The following UGGT2 variants were observed in gnomAD, a reference collection of about 807,000 sequenced individuals.
UGGT2 encodes the protein UDP-glucose:glycoprotein glucosyltransferase 2.
A neutral mutation model predicts 192.1 loss-of-function variants in UGGT2; 180 were observed. The observed-to-expected ratio is 0.94, with a 90% CI of 0.83 to 1.06. The LOEUF (loss-of-function observed/expected upper bound fraction) is 1.06. UGGT2 is among the 50% of genes least tolerant of loss of function. The pLI is 0.00. For missense variants in UGGT2, 1,849 were observed against 1,795.7 expected (o/e 1.03, Z -0.54); for synonymous variants, 580 against 591.0 (o/e 0.98, Z 0.27).
At chr13:95,927,149 T>TTAAATA in intron 18 of UGGT2, 23 bp from the exon 19 acceptor site, 1 of 1,605,490 alleles carries the variant, frequency 6.2e-7, no homozygotes, top group Non-Finnish European at 8.5e-7. Context: ...AAATTAAACG[T>TTAAATA]TAAATATAAA....
intron 38 of UGGT2, among the ~76,000 whole-genome samples, chr13:95,803,845 T>A (rs995974974): frequency 9.9e-5 from 15 of 152,134 alleles, no homozygotes; most frequent in Admixed American, 9.8e-4. Flanking sequence ...GATCTCCAGG[T>A]TTTTGAGGAA....
At chr13:95,876,330 G>A (rs1433728445) in intron 29 of UGGT2, among the ~76,000 whole-genome samples, 1 of 152,194 alleles carries the variant, frequency 6.6e-6, no homozygotes, top group East Asian at 1.9e-4. Flanking sequence ...AAGTCTAAGA[G>A]CCTGAATTTG....
chr13:95,889,431 TA>T (rs563252959), intron 25 of UGGT2, among the ~76,000 whole-genome samples: 1 of 151,974 alleles, frequency 6.6e-6, no homozygotes, highest in Non-Finnish European at 1.5e-5. Flanking sequence ...CACTAAATTC[TA>T]AAAAAAATTG....
At chr13:95,913,303 C>CT (rs2048565180) in intron 20 of UGGT2, among the ~76,000 whole-genome samples, 1 of 152,170 alleles carries the variant, frequency 6.6e-6, no homozygotes, top group African/African-American at 2.4e-5. Context: ...GAACAGGCAA[C>CT]TTACAGAATG....
chr13:95,825,823 G>A (rs1287178296), intron 38 of UGGT2, among the ~76,000 whole-genome samples: 1 of 152,092 alleles, frequency 6.6e-6, no homozygotes, highest in Non-Finnish European at 1.5e-5. Flanking sequence ...AAAGATCTGG[G>A]ACTCAAGGCC....
intron 15 of UGGT2, 80 bp downstream of exon 15, chr13:95,946,957 T>C (rs2049890553): frequency 7.4e-7 from 1 of 1,345,682 alleles, no homozygotes; most frequent in Admixed American, 2.7e-5. Context: ...ATGCAAAAAT[T>C]ATACATTCTA....
At chr13:95,929,813 G>T (rs1237382099) in intron 17 of UGGT2, among the ~76,000 whole-genome samples, 1 of 152,122 alleles carries the variant, frequency 6.6e-6, no homozygotes, top group Non-Finnish European at 1.5e-5. Flanking sequence ...TAATGGGATT[G>T]CTGGGTTGAA....
intron 5 of UGGT2, among the ~76,000 whole-genome samples, chr13:96,003,579 A>G (rs939340742): frequency 6.6e-6 from 1 of 152,216 alleles, no homozygotes; most frequent in East Asian, 1.9e-4. Context: ...CATAGGGCTT[A>G]AGAGGTATTG....
intron 17 of UGGT2, among the ~76,000 whole-genome samples, chr13:95,931,479 G>A (rs1038650992): frequency 9.9e-5 from 15 of 151,940 alleles, no homozygotes; most frequent in East Asian, 2.0e-4. Context: ...TGGGCGCCGC[G>A]GAGCAGGGGG....
chr13:95,856,191 T>C lies in UGGT2; in HGVS notation c.3975A>G (p.Ala1325=). The change falls in exon 34 of 39, where the codon GCA becomes GCG. Residue 1325 remains alanine, a synonymous_variant. Coordinates refer to ENST00000376747, the MANE Select transcript of UGGT2 (RefSeq NM_020121.4). ...CATCAACAAAAATGATTTTGTCCAC[T>C]GCTAGTGGGAAAAGAACATCAAGGA... The part of the protein sequence containing the change: ...ILFLDVLFPL[A]VDKIIFVDAD... The C allele has an allele frequency of 3.7e-6, 6 of 1,613,198 alleles. No homozygotes were observed. The highest frequency in any genetic ancestry group is 5.1e-6 in the Non-Finnish European group (6 of 1,179,684).
chr13:96,034,027 G>A (rs1159375145), intron 1 of UGGT2, among the ~76,000 whole-genome samples: 6 of 152,178 alleles, frequency 3.9e-5, no homozygotes, highest in Non-Finnish European at 8.8e-5. Context: ...AACGTACGGT[G>A]TTTTTGTCCC....
intron 20 of UGGT2, among the ~76,000 whole-genome samples, chr13:95,907,406 C>T (rs2048327293): frequency 1.3e-5 from 2 of 152,160 alleles, no homozygotes; most frequent in African/African-American, 4.8e-5. Context: ...GAGAGCAATG[C>T]TTCTCCAAGC....
At chr13:95,924,393 CTTTTTTTTTTTTTTT>C (rs59757283) in intron 20 of UGGT2, among the ~76,000 whole-genome samples, 39 of 63,360 alleles carry the variant, frequency 6.2e-4, no homozygotes, top group South Asian at 2.8e-3. Context: ...TCCCAAACAG[CTTTTTTTTTTTTTTT>C]TTTTTTTTTT....
intron 36 of UGGT2, among the ~76,000 whole-genome samples, chr13:95,851,357 A>G (rs545586490): frequency 1.4e-4 from 22 of 152,334 alleles, no homozygotes; most frequent in Non-Finnish European, 2.2e-4. Context: ...AGATTTGGGA[A>G]CTATTAACAG....
chr13:95,875,231 C>A (rs941635823), intron 29 of UGGT2, among the ~76,000 whole-genome samples: 1 of 152,146 alleles, frequency 6.6e-6, no homozygotes, highest in African/African-American at 2.4e-5. Context: ...ATCCATATAT[C>A]TTCTTTGGTA....
chr13:96,041,850 C>T (rs555284520), intron 1 of UGGT2, among the ~76,000 whole-genome samples: 1 of 152,080 alleles, frequency 6.6e-6, no homozygotes, highest in African/African-American at 2.4e-5. Flanking sequence ...CCCCATCCCC[C>T]ACAGCAGTTG....
intron 12 of UGGT2, among the ~76,000 whole-genome samples, chr13:95,969,273 C>T (rs556936019): frequency 6.6e-6 from 1 of 152,282 alleles, no homozygotes; most frequent in South Asian, 2.1e-4. Context: ...CTCTTGGAAG[C>T]TTATACCTGG....
In UGGT2 at chr13:95,889,288, A is replaced by G. The variant is rs1004763351; in HGVS notation, c.2959-1317T>C. 2.0e-5 allele frequency among the ~76,000 whole-genome samples: 3 copies of G among 152,180 alleles called. No individual in the cohort carries two copies. The South Asian group carries it at 6.2e-4, about 32-fold the overall frequency. ...ATTTGAAGGTATAACCAATGCTAAAAGAACAAGTAGGTAAATCAGCTATGG... is the reference window on the plus strand; with the variant it reads ...ATTTGAAGGTATAACCAATGCTAAAGGAACAAGTAGGTAAATCAGCTATGG... On this transcript the variant is annotated intron_variant, in intron 25 of 38. Coordinates refer to ENST00000376747, the MANE Select transcript of UGGT2 (RefSeq NM_020121.4).
At chr13:96,010,329 G>C (rs1385781185) in intron 5 of UGGT2, among the ~76,000 whole-genome samples, 1 of 152,152 alleles carries the variant, frequency 6.6e-6, no homozygotes, top group East Asian at 1.9e-4. Context: ...ATTCCTAGGT[G>C]ATAGGTTGAT....
Sources: gnomAD v4.1 joint callset for allele counts (sites outside exome capture counted in the v4.1 genomes callset) on GRCh38, gnomAD v4.1.1 for gene constraint, MANE v1.5 for transcripts, NCBI Gene and HGNC (gene_info 2026-07-23, HGNC 2026-07-21) for gene names.